MANSC4: variants seen among roughly 807,000 people sequenced by gnomAD.
MANSC4 encodes the protein MANSC domain-containing protein 4.
In MANSC4, 11 loss-of-function variants were observed where a neutral mutation model predicts 11.4. That is an observed-to-expected ratio of 0.97 (90% CI 0.61 to 1.60). The LOEUF is 1.60. Ranked by LOEUF, MANSC4 falls within the 40% of genes most tolerant of loss-of-function variation. The pLI, the probability that MANSC4 is intolerant of heterozygous loss-of-function variation, is 0.00. For synonymous variants in MANSC4, 123 were observed against 147.1 expected (o/e 0.84, Z 1.19); for missense variants, 354 against 404.6 (o/e 0.88, Z 1.07).
Position 27,780,220 on chromosome 12 carries a change from C to A in MANSC4, c.-317G>T. 9.2e-7 allele frequency: 1 copy of A among 1,082,004 alleles called. No homozygotes were observed. The highest frequency in any genetic ancestry group is 1.2e-6 in the Non-Finnish European group (1 of 833,396). The allele number at this position is 1,082,004 out of a possible 1,614,324, so 67.0% of individuals were successfully genotyped here. A position where few individuals can be genotyped will look rare whatever the true frequency, so the allele number is the denominator to read the frequency against. ...GCGGGCGGCCCTCACCTCGCCGCTC[C>A]TCCCGGGCCGCCATCCCTCGGCGCC... On this transcript the variant is annotated 5_prime_UTR_variant, in exon 1 of 4. It adds an upstream start codon to the 5' untranslated region. Transcript: ENST00000381273. This position sits in a 1 kb window ranked among gnomAD's most constrained non-coding sequence, Gnocchi z 8.8.
Position 27,771,074 on chromosome 12 carries a change from C to G in MANSC4, c.203G>C (p.Ser68Thr). The G allele has an allele frequency of 1.3e-6, 2 of 1,551,658 alleles. No individual in the cohort carries two copies. Among genetic ancestry groups the G allele is most frequent in the South Asian group, 1.2e-5 (1 of 84,036 alleles). ...YYSESTGQKC[S>T]RSCCLRKDVS... ...ATCCTTCCGAAGACAGCAGCTCCTA[C>G]TGCACTTCTGGCCAGTGCTTTCAGA... Residue 68 changes from serine (S) to threonine (T), a missense_variant, in exon 2 of 4, where the codon AGT becomes ACT. Transcript: ENST00000381273.
chr12:27,767,245 A>G (rs1159608833), intron 2 of MANSC4, among the ~76,000 whole-genome samples: 2 of 152,160 alleles, frequency 1.3e-5, no homozygotes, highest in African/African-American at 4.8e-5. Flanking sequence ...AGCTGGAATT[A>G]CAGGGAGGAG....
chr12:27,774,850 C>T (rs1291562354), intron 1 of MANSC4, among the ~76,000 whole-genome samples: 1 of 151,906 alleles, frequency 6.6e-6, no homozygotes, highest in Non-Finnish European at 1.5e-5. Flanking sequence ...GGTGAAACCC[C>T]GTGTCTACTA....
intron 2 of MANSC4, 150 bp from the exon 3 acceptor site, chr12:27,766,949 C>T: frequency 1.3e-6 from 1 of 778,396 alleles, no homozygotes. Flanking sequence ...TGTTTATAAA[C>T]TATTGTAACT....
chr12:27,771,836 C>T (rs745875514), intron 1 of MANSC4, among the ~76,000 whole-genome samples: 1 of 152,030 alleles, frequency 6.6e-6, no homozygotes, highest in Non-Finnish European at 1.5e-5. Context: ...CATTCAGGTT[C>T]ACCAAAAATA....
chr12:27,769,080 T>C (rs1383459998), intron 2 of MANSC4, among the ~76,000 whole-genome samples: 2 of 152,230 alleles, frequency 1.3e-5, no homozygotes, highest in East Asian at 1.9e-4. Flanking sequence ...TCATTACTTC[T>C]AGGACATCCT....
At chr12:27,778,869 A>G (rs1418633032) in intron 1 of MANSC4, among the ~76,000 whole-genome samples, 1 of 152,196 alleles carries the variant, frequency 6.6e-6, no homozygotes, top group Non-Finnish European at 1.5e-5. Context: ...CATAGGAAAC[A>G]AGTGGTCTCT....
rs977700766 is a variant in MANSC4 at position 27,768,148 on chromosome 12, T to C, written c.230-1349A>G. Among the ~76,000 whole-genome samples, 26 of 151,982 alleles carry C rather than the reference T, an allele frequency of 1.7e-4. 1 individual carries two copies. Among genetic ancestry groups the C allele is most frequent in the Non-Finnish European group, 7.4e-5 (5 of 67,978 alleles). ...GCGCAGTGGCTCACACCTGTAATCCTAGTACTTTGGGAGGCCAAGGTGGCG... is the reference window on the plus strand; with the variant it reads ...GCGCAGTGGCTCACACCTGTAATCCCAGTACTTTGGGAGGCCAAGGTGGCG... On this transcript the variant is annotated intron_variant, in intron 2 of 3. Coordinates refer to ENST00000381273, the MANE Select transcript of MANSC4 (RefSeq NM_001146221.5).
intron 2 of MANSC4, among the ~76,000 whole-genome samples, chr12:27,769,035 G>A (rs2881579): frequency 6.6e-6 from 1 of 152,020 alleles, no homozygotes; most frequent in Non-Finnish European, 1.5e-5. Context: ...CTGTACTGCT[G>A]CTGTGTAAGG....
At chr12:27,776,760 T>A (rs1280532220) in intron 1 of MANSC4, among the ~76,000 whole-genome samples, 1 of 151,966 alleles carries the variant, frequency 6.6e-6, no homozygotes, top group Admixed American at 6.6e-5. Context: ...TCTAAAAAAA[T>A]AAAAAATAAA....
In MANSC4 at chr12:27,762,819, C is replaced by G; in HGVS notation, c.942G>C (p.Gln314His). The G allele has an allele frequency of 6.4e-7, 1 of 1,551,812 alleles. No homozygotes were observed. Among genetic ancestry groups the G allele is most frequent in the South Asian group, 1.2e-5 (1 of 84,058 alleles). ...TTCTCTGTCCTGGTTTATACTGGCC[C>G]TGCTGCTTTCCACAGCATCCAGATG... ...ILASGCCGKQ[Q>H]GQYKPGQRKS... The change falls in exon 4 of 4, where the codon CAG becomes CAC. Residue 314 changes from glutamine (Q) to histidine (H), a missense_variant. Gln to His is a conservative substitution (Grantham distance 24). Transcript: ENST00000381273.
intron 2 of MANSC4, among the ~76,000 whole-genome samples, chr12:27,769,921 C>A (rs2062092727): frequency 6.6e-6 from 1 of 152,144 alleles, no homozygotes; most frequent in African/African-American, 2.4e-5. Context: ...GCAATTATAA[C>A]TTGAAATCCT....
At chr12:27,775,249 T>TC (rs1193116972) in intron 1 of MANSC4, among the ~76,000 whole-genome samples, 4 of 152,016 alleles carry the variant, frequency 2.6e-5, no homozygotes, top group Non-Finnish European at 4.4e-5. Context: ...CATTTTGGTT[T>TC]CATCTGTTGG....
intron 3 of MANSC4, among the ~76,000 whole-genome samples, chr12:27,764,080 T>C (rs1165588244): frequency 6.6e-6 from 1 of 151,936 alleles, no homozygotes; most frequent in Non-Finnish European, 1.5e-5. Context: ...CTGAGAAGAG[T>C]GACTATAAGC....
intron 1 of MANSC4, among the ~76,000 whole-genome samples, chr12:27,778,080 C>T (rs920763654): frequency 3.9e-4 from 60 of 152,028 alleles, no homozygotes; most frequent in African/African-American, 1.3e-3. Flanking sequence ...ACAAAATTAG[C>T]CGGGTGTGGT....
Position 27,763,386 on chromosome 12 carries a change from C to G in MANSC4, c.375G>C (p.Pro125=), listed in dbSNP as rs572196216. The change falls in exon 4 of 4, where the codon CCG becomes CCC. Residue 125 remains proline, a synonymous_variant. Transcript: ENST00000381273. Reference sequence around the variant, plus strand: ...GAGATTGTTCAAAAACCAGCAAATCCGGATCTATACCTGAAAAATAAATAA... The same window carrying G: ...GAGATTGTTCAAAAACCAGCAAATCGGGATCTATACCTGAAAAATAAATAA... ...ILYNITDGID[P]DLLVFEQSPT... 1.0e-5 allele frequency: 16 copies of G among 1,544,872 alleles called. No individual in the cohort carries two copies. Among genetic ancestry groups the G allele is most frequent in the Non-Finnish European group, 1.4e-5 (16 of 1,143,480 alleles).
chr12:27,770,998 T>A, intron 2 of MANSC4, 50 bp downstream of exon 2: 1 of 1,419,050 alleles, frequency 7.0e-7, no homozygotes, highest in Non-Finnish European at 9.6e-7. Flanking sequence ...TAGGGCTTCA[T>A]CCTTGGAAGT....
Position 27,763,106 on chromosome 12 carries a change from G to GA in MANSC4, c.654_655insT (p.Pro219SerfsTer4). On this transcript the variant is annotated frameshift_variant, in exon 4 of 4. Coordinates refer to ENST00000381273, the MANE Select transcript of MANSC4 (RefSeq NM_001146221.5). LOFTEE classifies it low-confidence loss of function (END_TRUNC). Reference sequence around the variant, plus strand: ...GGATTGCTGATGAAATCAGTACTTGGTGACACCTTATTTATCTTTGTGGTA... The same window carrying GA: ...GGATTGCTGATGAAATCAGTACTTGGATGACACCTTATTTATCTTTGTGGTA... The GA allele has an allele frequency of 6.4e-7, 1 of 1,551,722 alleles. No individual in the cohort carries two copies. Among genetic ancestry groups the GA allele is most frequent in the South Asian group, 1.2e-5 (1 of 84,062 alleles).
chr12:27,762,918 A>C lies in MANSC4; in HGVS notation c.843T>G (p.Thr281=). 6.4e-7 allele frequency: 1 copy of C among 1,552,210 alleles called. No individual in the cohort carries two copies. Among genetic ancestry groups the C allele is most frequent in the Non-Finnish European group, 8.7e-7 (1 of 1,147,136 alleles). The change falls in exon 4 of 4, where the codon ACT becomes ACG. Residue 281 remains threonine, a synonymous_variant. Coordinates refer to ENST00000381273, the MANE Select transcript of MANSC4 (RefSeq NM_001146221.5). Reference sequence around the variant, plus strand: ...CCACAGAAACCAGCCAAGTCTTTGAAGTCACAGATACCTCATCTTCATTTG... The same window carrying C: ...CCACAGAAACCAGCCAAGTCTTTGACGTCACAGATACCTCATCTTCATTTG... ...TSANEDEVSV[T]SKTWLVSVAL... is the part of the protein sequence containing the mutation.
Sources: allele counts gnomAD v4.1 joint callset (sites outside exome capture counted in the v4.1 genomes callset), GRCh38; gene constraint gnomAD v4.1.1; non-coding constraint Gnocchi (gnomAD v3.1); transcripts MANE v1.5; gene names NCBI Gene and HGNC (gene_info 2026-07-23, HGNC 2026-07-21).